ADGRG6: variants seen among roughly 807,000 people sequenced by gnomAD.
The protein encoded by ADGRG6 is G-protein coupled receptor 126.
Under a neutral mutation model 142.4 loss-of-function variants are expected in ADGRG6, and 84 were observed. That is an observed-to-expected ratio of 0.59 (90% CI 0.49 to 0.71). ADGRG6 has a LOEUF of 0.71. Ranked by LOEUF, ADGRG6 falls within the 30% of genes least tolerant of loss-of-function variation. The probability of loss-of-function intolerance (pLI) is 0.00; values close to 1 mark genes in which losing one functional copy is unlikely to be tolerated. For missense variants in ADGRG6, 1,367 were observed against 1,466.6 expected, an observed-to-expected ratio of 0.93 and a Z score of 1.11; for synonymous variants, 521 against 520.5, an observed-to-expected ratio of 1.00 and a Z score of -0.01.
At chr6:142,350,062 T>C (rs920817486) in intron 2 of ADGRG6, among the ~76,000 whole-genome samples, 4 of 152,194 alleles carry the variant, frequency 2.6e-5, no homozygotes, top group African/African-American at 9.7e-5. Context: ...ACAGACTTGA[T>C]TGCATAAGCA....
At chr6:142,347,049 G>C (rs1300749433) in intron 2 of ADGRG6, among the ~76,000 whole-genome samples, 1 of 151,734 alleles carries the variant, frequency 6.6e-6, no homozygotes, top group Non-Finnish European at 1.5e-5. Flanking sequence ...TTTTAGTCAA[G>C]TAAAAAAAAG....
chr6:142,395,622 A>G (rs1311384166), intron 9 of ADGRG6, among the ~76,000 whole-genome samples: 2 of 152,204 alleles, frequency 1.3e-5, no homozygotes, highest in Non-Finnish European at 2.9e-5. Context: ...ACAGAAAATT[A>G]TAGGGAGAAT....
intron 4 of ADGRG6, among the ~76,000 whole-genome samples, chr6:142,371,313 C>A (rs1781241741): frequency 6.6e-6 from 1 of 151,666 alleles, no homozygotes; most frequent in Non-Finnish European, 1.5e-5. Context: ...CAGGCGTGCA[C>A]CACCACACCC....
In ADGRG6 at chr6:142,370,374, A is replaced by T; in HGVS notation, c.650A>T (p.Lys217Met). ...TTCACACAATTGCTCAGTTTTGGAA[A>T]GGCCAAGAGTGGCTACTTTCTATCC... is the stretch of plus-strand genomic sequence containing the variant. ...ASFTQLLSFG[K>M]AKSGYFLSIS... is the part of the protein sequence containing the mutation. The change falls in exon 4 of 25, where the codon AAG becomes ATG. Residue 217 changes from lysine (K) to methionine (M), a missense_variant. Around this residue, in one of 3 missense-constraint regions of ADGRG6, gnomAD observed 737 missense variants for 746.5 expected, o/e 0.99. Coordinates refer to ENST00000367609, the MANE Select transcript of ADGRG6 (RefSeq NM_198569.3). 1 of 1,613,246 alleles carries T rather than the reference A, an allele frequency of 6.2e-7. No individual in the cohort carries two copies. The highest frequency in any genetic ancestry group is 8.5e-7 in the Non-Finnish European group (1 of 1,179,254).
chr6:142,320,644 T>A (rs2114605900), intron 2 of ADGRG6, among the ~76,000 whole-genome samples: 1 of 152,228 alleles, frequency 6.6e-6, no homozygotes, highest in South Asian at 2.1e-4. Flanking sequence ...CTTGTGTTTC[T>A]ATTAATAGCA....
intron 22 of ADGRG6, among the ~76,000 whole-genome samples, chr6:142,426,432 T>A (rs1292646919): frequency 6.6e-6 from 1 of 152,214 alleles, no homozygotes; most frequent in Non-Finnish European, 1.5e-5. Flanking sequence ...TGGGTCACAC[T>A]GATGCAAGAG....
At chr6:142,373,611 T>G (rs1043098524) in intron 4 of ADGRG6, among the ~76,000 whole-genome samples, 1 of 152,190 alleles carries the variant, frequency 6.6e-6, no homozygotes, top group African/African-American at 2.4e-5. Context: ...CCATCAGAGA[T>G]CGCTATAACC....
chr6:142,434,336 C>CT (rs966405875), intron 22 of ADGRG6, among the ~76,000 whole-genome samples: 1 of 149,732 alleles, frequency 6.7e-6, no homozygotes, highest in African/African-American at 2.4e-5. Flanking sequence ...ATTTTTTTTT[C>CT]TTTTTTGAGA....
intron 2 of ADGRG6, among the ~76,000 whole-genome samples, chr6:142,312,526 C>T (rs73777174): frequency 2.6e-5 from 4 of 151,846 alleles, no homozygotes; most frequent in African/African-American, 9.7e-5. Context: ...AATAAAAATG[C>T]GATTTATTTT....
chr6:142,328,317 C>T (rs1398187737), intron 2 of ADGRG6, among the ~76,000 whole-genome samples: 2 of 152,176 alleles, frequency 1.3e-5, no homozygotes, highest in African/African-American at 4.8e-5. Context: ...CTCCTCCCAC[C>T]TCAGCCTCCT....
chr6:142,418,746 A>G (rs1410102040), intron 21 of ADGRG6, among the ~76,000 whole-genome samples: 1 of 152,128 alleles, frequency 6.6e-6, no homozygotes, highest in Non-Finnish European at 1.5e-5. Context: ...TGTGGAGGTT[A>G]TGTTCCAACA....
rs972261994 is a variant in ADGRG6 at position 142,415,922 on chromosome 6, TGTTGCA to T, written c.2799_2804del (p.Ala934_Val935del). The T allele has an allele frequency of 8.7e-6, 14 of 1,613,584 alleles. No homozygotes were observed. In the Admixed American group the frequency reaches 1.7e-4, roughly 19 times the overall value. ...TCAATGTGGATGGACTTTGCATTGC[TGTTGCA>T]GTCCTGTTGCATTTCTTCCTTCTGG... On this transcript the variant is annotated inframe_deletion, in exon 20 of 25. Transcript: ENST00000367609.
chr6:142,305,678 T>C (rs1398667761), intron 1 of ADGRG6, among the ~76,000 whole-genome samples: 1 of 152,192 alleles, frequency 6.6e-6, no homozygotes, highest in Non-Finnish European at 1.5e-5. Flanking sequence ...ACAATTTACT[T>C]CTCTTTTTCA....
At chr6:142,331,120 A>C (rs534259201) in intron 2 of ADGRG6, among the ~76,000 whole-genome samples, 1 of 150,004 alleles carries the variant, frequency 6.7e-6, no homozygotes, top group African/African-American at 2.5e-5. Context: ...GGAATACAGC[A>C]GGGTAGAAAA....
Position 142,367,694 on chromosome 6 carries a change from T to G in ADGRG6, c.229T>G (p.Tyr77Asp), listed in dbSNP as rs1368051106. Residue 77 changes from tyrosine (Y) to aspartate (D), a missense_variant, in exon 3 of 25, where the codon TAT becomes GAT. By Grantham distance (160) the Tyr-to-Asp change is radical. Coordinates refer to ENST00000367609, the MANE Select transcript of ADGRG6 (RefSeq NM_198569.3). ...CMWTLRAPTG[Y>D]IIQITFNDFD... ...GTGGACGCTCCGAGCCCCCACCGGT[T>G]ATATCATTCAGATAACATTTAACGA... 1 of 1,613,806 alleles carries G rather than the reference T, an allele frequency of 6.2e-7. No individual in the cohort carries two copies. The highest frequency in any genetic ancestry group is 8.5e-7 in the Non-Finnish European group (1 of 1,179,838).
At chr6:142,310,478 A>C (rs922643583) in intron 2 of ADGRG6, among the ~76,000 whole-genome samples, 1 of 151,674 alleles carries the variant, frequency 6.6e-6, no homozygotes. Context: ...TTGAAGTCTT[A>C]TGTATTTATT....
chr6:142,316,319 T>C (rs1233032718), intron 2 of ADGRG6, among the ~76,000 whole-genome samples: 3 of 152,172 alleles, frequency 2.0e-5, no homozygotes, highest in Admixed American at 1.3e-4. Flanking sequence ...GCTCAGAAGA[T>C]GGATTGTGTC....
chr6:142,335,454 A>G (rs558022698), intron 2 of ADGRG6, among the ~76,000 whole-genome samples: 10 of 152,300 alleles, frequency 6.6e-5, no homozygotes, highest in African/African-American at 2.4e-4. Flanking sequence ...TTTTACAGTT[A>G]GAAGTAGTGA....
chr6:142,397,822 C>A, intron 10 of ADGRG6, 67 bp downstream of exon 10: 3 of 1,036,586 alleles, frequency 2.9e-6, no homozygotes, highest in Non-Finnish European at 2.7e-6. Context: ...CTTGAAACAA[C>A]AGCAGAAATT....
Sources: allele counts gnomAD v4.1 joint callset (sites outside exome capture counted in the v4.1 genomes callset), GRCh38; gene constraint gnomAD v4.1.1; regional missense constraint gnomAD v4.1.1; transcripts MANE v1.5; gene names NCBI Gene and HGNC (gene_info 2026-07-23, HGNC 2026-07-21).